The following SCAPER variants were observed in gnomAD, a reference collection of about 807,000 sequenced individuals.
SCAPER encodes the protein S-phase cyclin A associated protein in the ER.
In SCAPER, 98 loss-of-function variants were observed where a neutral mutation model predicts 182.2. The ratio of observed to expected loss-of-function variants is 0.54; its 90% confidence interval spans 0.46 to 0.64. The LOEUF (loss-of-function observed/expected upper bound fraction) is 0.64, where lower values mean the gene tolerates loss of function less well. SCAPER is among the 30% of genes least tolerant of loss of function. The probability of loss-of-function intolerance (pLI) is 0.00; values close to 1 mark genes in which losing one functional copy is unlikely to be tolerated. For synonymous variants in SCAPER, 605 were observed against 564.6 expected, an observed-to-expected ratio of 1.07 and a Z score of -1.01; for missense variants, 1,432 against 1,690.0, an observed-to-expected ratio of 0.85 and a Z score of 2.68.
chr15:76,723,509 C>G (rs1374384714), intron 17 of SCAPER, among the ~76,000 whole-genome samples: 1 of 152,130 alleles, frequency 6.6e-6, no homozygotes, highest in Non-Finnish European at 1.5e-5. Flanking sequence ...TCTCATTGAT[C>G]TGTCTAATGT....
intron 22 of SCAPER, among the ~76,000 whole-genome samples, chr15:76,592,546 A>T (rs1183584730): frequency 8.1e-6 from 1 of 122,944 alleles, no homozygotes; most frequent in Non-Finnish European, 2.0e-5. Context: ...GGCCAAAAGG[A>T]ACAGCTCCAT....
intron 22 of SCAPER, among the ~76,000 whole-genome samples, chr15:76,586,391 T>G (rs2048658035): frequency 6.6e-6 from 1 of 152,086 alleles, no homozygotes; most frequent in Non-Finnish European, 1.5e-5. Flanking sequence ...TTAAATAAAT[T>G]TAGGGCTTTA....
rs2047664435 is a variant in SCAPER, at chr15:76,574,305, A to G, written c.2712-21T>C. 9 of 1,606,868 alleles carry G rather than the reference A, an allele frequency of 5.6e-6. No homozygotes were observed. The East Asian group carries it at 6.7e-5, about 12-fold the overall frequency. On this transcript the variant is annotated intron_variant, in intron 22 of 31. Coordinates refer to ENST00000563290, the MANE Select transcript of SCAPER (RefSeq NM_020843.4). ...GAAGCCTTTAATACCAAATGAAAGG[A>G]AAGAATGACATTAATGAAACAGACT...
At chr15:76,722,257 T>C (rs951383234) in intron 17 of SCAPER, among the ~76,000 whole-genome samples, 6 of 152,174 alleles carry the variant, frequency 3.9e-5, no homozygotes, top group Admixed American at 3.9e-4. Context: ...TGAACCAGCC[T>C]TGCATCCCAG....
intron 21 of SCAPER, among the ~76,000 whole-genome samples, chr15:76,639,160 T>C (rs541805102): frequency 1.3e-5 from 2 of 152,300 alleles, no homozygotes; most frequent in East Asian, 1.9e-4. Flanking sequence ...TTTAACAGAA[T>C]TGAGTCAAAC....
chr15:76,606,927 G>A (rs1337761009), intron 22 of SCAPER, among the ~76,000 whole-genome samples: 16 of 152,140 alleles, frequency 1.1e-4, no homozygotes, highest in Admixed American at 9.2e-4. Context: ...CGTGAGATGG[G>A]TTTCCTGAAT....
chr15:76,770,586 G>C (rs1181979813), intron 10 of SCAPER, among the ~76,000 whole-genome samples: 1 of 151,546 alleles, frequency 6.6e-6, no homozygotes, highest in African/African-American at 2.4e-5. Context: ...TAACCAAAAG[G>C]GTTTATGACT....
chr15:76,568,525 T>G (rs1344034103), intron 23 of SCAPER, among the ~76,000 whole-genome samples: 1 of 152,060 alleles, frequency 6.6e-6, no homozygotes, highest in African/African-American at 2.4e-5. Context: ...CTGGCTAATT[T>G]TTTTTATTTT....
At chr15:76,433,024 TG>T (rs1338160204) in intron 26 of SCAPER, among the ~76,000 whole-genome samples, 1 of 152,208 alleles carries the variant, frequency 6.6e-6, no homozygotes, top group Non-Finnish European at 1.5e-5. Context: ...ACCTACTAGG[TG>T]TAAGGTATTA....
chr15:76,416,031 G>A (rs1448954867), intron 26 of SCAPER, among the ~76,000 whole-genome samples: 2 of 152,012 alleles, frequency 1.3e-5, no homozygotes, highest in African/African-American at 2.4e-5. Context: ...AAGATGAAGG[G>A]TTAATGTTCT....
At chr15:76,850,501 C>T (rs1230576513) in intron 4 of SCAPER, among the ~76,000 whole-genome samples, 4 of 152,174 alleles carry the variant, frequency 2.6e-5, no homozygotes, top group Non-Finnish European at 4.4e-5. Flanking sequence ...ACCAGAGTGT[C>T]ACATGTCTTA....
intron 2 of SCAPER, among the ~76,000 whole-genome samples, chr15:76,870,288 T>C (rs915814733): frequency 2.5e-4 from 38 of 152,160 alleles, no homozygotes; most frequent in African/African-American, 7.5e-4. Context: ...TTTAGGTTGA[T>C]AGACACAGCC....
intron 21 of SCAPER, among the ~76,000 whole-genome samples, chr15:76,637,798 G>GTGTA (rs1555512980): frequency 9.8e-5 from 13 of 132,222 alleles, no homozygotes; most frequent in South Asian, 2.3e-4. Context: ...GTGTGTGTGT[G>GTGTA]TATGTATATA....
At chr15:76,561,281 A>C (rs1597391759) in intron 23 of SCAPER, among the ~76,000 whole-genome samples, 1 of 152,234 alleles carries the variant, frequency 6.6e-6, no homozygotes, top group East Asian at 1.9e-4. Context: ...ACTTAAAATT[A>C]AGATTAAATA....
intron 1 of SCAPER, among the ~76,000 whole-genome samples, chr15:76,890,445 C>T (rs377757311): frequency 3.3e-5 from 5 of 151,276 alleles, no homozygotes; most frequent in African/African-American, 9.7e-5. Flanking sequence ...AAGAAAAGAC[C>T]GAAGAATGAA....
intron 17 of SCAPER, among the ~76,000 whole-genome samples, chr15:76,711,838 C>A (rs1032824813): frequency 2.0e-5 from 3 of 152,002 alleles, no homozygotes; most frequent in African/African-American, 7.3e-5. Context: ...TGGATATTAG[C>A]CCTTTGTCAG....
At chr15:76,828,576 G>A (rs1447644459) in intron 5 of SCAPER, among the ~76,000 whole-genome samples, 1 of 149,610 alleles carries the variant, frequency 6.7e-6, no homozygotes, top group African/African-American at 2.5e-5. Context: ...TACATATACA[G>A]GAGAAATTAC....
intron 21 of SCAPER, among the ~76,000 whole-genome samples, chr15:76,661,117 G>C (rs2056118191): frequency 6.6e-6 from 1 of 152,036 alleles, no homozygotes; most frequent in Non-Finnish European, 1.5e-5. Context: ...TTGCCAAGCT[G>C]AGCTATAGCT....
At chr15:76,654,030 A>C (rs549916875) in intron 21 of SCAPER, among the ~76,000 whole-genome samples, 7 of 152,216 alleles carry the variant, frequency 4.6e-5, no homozygotes, top group Non-Finnish European at 1.0e-4. Flanking sequence ...ACCCATTAAA[A>C]ACTGGACAAA....
Sources: allele counts gnomAD v4.1 joint callset (sites outside exome capture counted in the v4.1 genomes callset), GRCh38; gene constraint gnomAD v4.1.1; transcripts MANE v1.5; gene names NCBI Gene and HGNC (gene_info 2026-07-23, HGNC 2026-07-21).